Variants in VPS52 observed in about 807,000 individuals in gnomAD.
VPS52 encodes VPS52 subunit of GARP complex.
Under a neutral mutation model 98.7 loss-of-function variants are expected in VPS52, and 56 were observed. The observed-to-expected ratio is 0.57, with a 90% CI of 0.46 to 0.71. The LOEUF (loss-of-function observed/expected upper bound fraction) is 0.71. Among genes scored for constraint, VPS52 ranks in the 30% least tolerant of loss-of-function variants. VPS52 has a pLI of 0.00. For missense variants in VPS52, 742 were observed against 925.9 expected, an observed-to-expected ratio of 0.80 and a Z score of 2.58; for synonymous variants, 348 against 346.4, an observed-to-expected ratio of 1.00 and a Z score of -0.05.
chr6:33,269,686 C>T, intron 4 of VPS52, 58 bp downstream of exon 4: 1 of 1,586,306 alleles, frequency 6.3e-7, no homozygotes, highest in Non-Finnish European at 8.6e-7. Flanking sequence ...ACATCTGTAC[C>T]ACACGCCACA....
chr6:33,263,905 A>G, intron 15 of VPS52, 26 bp from the exon 16 acceptor site: 2 of 1,613,964 alleles, frequency 1.2e-6, no homozygotes, highest in Non-Finnish European at 1.7e-6. Context: ...GGAAGAGGTG[A>G]CACCAGAAAG....
Position 33,271,728 on chromosome 6 carries a change from G to T in VPS52, c.-53C>A. On this transcript the variant is annotated 5_prime_UTR_variant, in exon 1 of 20. Coordinates refer to ENST00000445902, the MANE Select transcript of VPS52 (RefSeq NM_022553.6). ...TCAGTCCCGGCGAGTCCGTTCCCCG[G>T]AGTGGAGCTACAAGTCCCAAAGGGT... 3.2e-6 allele frequency: 5 copies of T among 1,556,324 alleles called. No individual in the cohort carries two copies. Among genetic ancestry groups the T allele is most frequent in the Non-Finnish European group, 4.4e-6 (5 of 1,149,416 alleles).
intron 17 of VPS52, among the ~76,000 whole-genome samples, chr6:33,255,794 T>TAAAAA (rs35038222): frequency 3.1e-5 from 3 of 97,950 alleles, no homozygotes; most frequent in Non-Finnish European, 2.0e-5. Flanking sequence ...AGACTCTGTC[T>TAAAAA]AAAAAAAAAA....
intron 17 of VPS52, among the ~76,000 whole-genome samples, chr6:33,263,097 C>A (rs182628737): frequency 1.8e-3 from 269 of 151,532 alleles, no homozygotes; most frequent in Middle Eastern, 6.8e-3. Context: ...AAATAAAATT[C>A]ATTCTAAAAA....
In VPS52 at chr6:33,264,819, T is replaced by TA. The variant is rs1311477435; in HGVS notation, c.1362dup (p.Asn455Ter). On this transcript the variant is annotated frameshift_variant, in exon 13 of 20. Transcript: ENST00000445902. LOFTEE classifies it high-confidence loss of function. ...GGAACATCCCTCTTTGCTGCAATGT[T>TA]ACGGAACCGGAGAACAATGTGGATA... 6.2e-7 allele frequency: 1 copy of TA among 1,612,970 alleles called. No individual in the cohort carries two copies. The highest frequency in any genetic ancestry group is 8.5e-7 in the Non-Finnish European group (1 of 1,180,022).
Position 33,267,308 on chromosome 6 carries a change from C to A in VPS52, c.1005G>T (p.Lys335Asn). The change falls in exon 11 of 20, where the codon AAG (lysine) becomes AAT (asparagine). Residue 335 changes from lysine (K) to asparagine (N), a missense_variant. Coordinates refer to ENST00000445902, the MANE Select transcript of VPS52 (RefSeq NM_022553.6). This position sits in a 1 kb window ranked among gnomAD's most constrained non-coding sequence, Gnocchi z 4.2. ...EDTAKKGFFS[K>N]PSLRSRNTIF... ...TGGTGTTCCTGCTGCGGAGCGATGG[C>A]TTTGAGAAGAATCGTAAGATGGGTC... 6.3e-7 allele frequency: 1 copy of A among 1,589,992 alleles called. No homozygotes were observed.
At position 33,264,665 on chromosome 6, in the gene VPS52, T is replaced by G. The variant is rs762435112; in HGVS notation, c.1400+117A>C. 1,878 of 1,401,476 alleles carry G rather than the reference T, an allele frequency of 1.3e-3. 5 individuals are homozygous for G. The highest frequency in any genetic ancestry group is 1.8e-3 in the Non-Finnish European group (1,773 of 994,224). 86.8% of individuals were successfully genotyped at this position (1,401,476 alleles called of 1,614,324 possible). On this transcript the variant is annotated intron_variant, in intron 13 of 19. Transcript: ENST00000445902. ...GCAGCACTACTGCCTCCGGAGCAAA[T>G]GAATGGGAATAAAGGTTGATGATAC... is the stretch of plus-strand genomic sequence containing the variant.
chr6:33,263,384 T>TAC (rs878982754), intron 17 of VPS52, 100 bp downstream of exon 17: 33,197 of 565,004 alleles, frequency 0.059, 308 homozygotes, highest in Non-Finnish European at 0.069. Context: ...TGCCACTCCC[T>TAC]ACACACACAC....
rs922480249 is a variant in VPS52, at chr6:33,269,217, T to G, written c.373-28A>C. 1.9e-6 allele frequency: 3 copies of G among 1,610,920 alleles called. No individual in the cohort carries two copies. In the African/African-American group the frequency reaches 4.0e-5, roughly 22 times the overall value. On this transcript the variant is annotated intron_variant, in intron 5 of 19. Transcript: ENST00000445902. ...GTAGGGAGGGTAGATGTTGCCGGAG[T>G]GCTATAGGGTTTGTAGGGGATAAGT... is the stretch of plus-strand genomic sequence containing the variant.
At chr6:33,258,078 A>C (rs1763201030) in intron 17 of VPS52, among the ~76,000 whole-genome samples, 1 of 151,986 alleles carries the variant, frequency 6.6e-6, no homozygotes. Flanking sequence ...AAATTTCTTT[A>C]ATCAAAAAGC....
intron 13 of VPS52, 77 bp downstream of exon 13, chr6:33,264,705 T>C: frequency 6.8e-7 from 1 of 1,476,122 alleles, no homozygotes; most frequent in Non-Finnish European, 9.5e-7. Context: ...TCAGTAGGAG[T>C]CTAAGGTCAG....
intron 17 of VPS52, among the ~76,000 whole-genome samples, chr6:33,256,731 C>T (rs1179578960): frequency 6.6e-6 from 1 of 151,044 alleles, no homozygotes; most frequent in African/African-American, 2.4e-5. Context: ...ATCCTAGCTA[C>T]TCAGGAGGCT....
At position 33,256,463 on chromosome 6, in the gene VPS52, CAAAAAAAAAAAAAAAAAAAA is replaced by C. The variant is rs9280385; in HGVS notation, c.1795-4512_1795-4493del. Among the ~76,000 whole-genome samples, 162 of 83,736 alleles carry C rather than the reference CAAAAAAAAAAAAAAAAAAAA, an allele frequency of 1.9e-3. 1 individual carries two copies. The highest frequency in any genetic ancestry group is 2.9e-3 in the Non-Finnish European group (126 of 43,364). 54.9% of individuals were successfully genotyped at this position (83,736 alleles called of 152,430 possible). A position where few individuals can be genotyped will look rare whatever the true frequency, so the allele number is the denominator to read the frequency against. ...CTGAGTGACAGAGCAAAACCTGTCT[CAAAAAAAAAAAAAAAAAAAA>C]AAAAAAAAAAAAAAAAAAAAGGATA... On this transcript the variant is annotated intron_variant, in intron 17 of 19. Coordinates refer to ENST00000445902, the MANE Select transcript of VPS52 (RefSeq NM_022553.6).
intron 1 of VPS52, 141 bp downstream of exon 1, chr6:33,271,445 C>T (rs779831231): frequency 7.9e-7 from 1 of 1,270,584 alleles, no homozygotes; most frequent in Non-Finnish European, 1.1e-6. Context: ...CGGGTCTGAT[C>T]ACAGGGAAGG....
chr6:33,263,540 C>A lies in VPS52; in HGVS notation c.1738G>T (p.Ala580Ser), dbSNP rs1350600364. ...MMLGVLMERA[A>S]DDSKEVESFQ... The stretch of plus-strand genomic sequence containing the variant: ...CTCTCAACCTCTTTGCTGTCATCTG[C>A]AGCCCGCTCCTAAGGGAAGACAAAG... The change falls in exon 17 of 20, where the codon GCA (alanine) becomes TCA (serine). Residue 580 changes from alanine to serine, a missense_variant. Transcript: ENST00000445902. 2 of 1,614,098 alleles carry A rather than the reference C, an allele frequency of 1.2e-6. No homozygotes were observed. The highest frequency in any genetic ancestry group is 4.5e-5 in the East Asian group (2 of 44,878).
At chr6:33,265,395 G>A (rs916742840) in intron 12 of VPS52, among the ~76,000 whole-genome samples, 1 of 151,964 alleles carries the variant, frequency 6.6e-6, no homozygotes, top group Non-Finnish European at 1.5e-5. Context: ...TTAGAGACAG[G>A]TTGTTTTGTC....
intron 1 of VPS52, among the ~76,000 whole-genome samples, chr6:33,270,950 C>CA (rs9280391): frequency 0.045 from 3,776 of 83,890 alleles, 322 homozygotes; most frequent in African/African-American, 0.14. Flanking sequence ...GACTCCGTCT[C>CA]AAAAAAAAAA....
chr6:33,271,892 G>C, upstream of VPS52: 1 of 1,159,950 alleles, frequency 8.6e-7, no homozygotes, highest in Non-Finnish European at 1.2e-6. Context: ...CGGAACCTTC[G>C]CTGTTCTCTT....
intron 17 of VPS52, among the ~76,000 whole-genome samples, chr6:33,257,770 G>A (rs1763165200): frequency 6.6e-6 from 1 of 152,218 alleles, no homozygotes; most frequent in African/African-American, 2.4e-5. Context: ...CACTTTGGGA[G>A]GCTGATGCGG....
Sources: gnomAD v4.1 joint callset for allele counts (sites outside exome capture counted in the v4.1 genomes callset) on GRCh38, gnomAD v4.1.1 for gene constraint, Gnocchi (gnomAD v3.1) non-coding constraint, MANE v1.5 for transcripts, NCBI Gene and HGNC (gene_info 2026-07-23, HGNC 2026-07-21) for gene names.